Variants in ABCC12 observed in about 807,000 individuals in gnomAD.
ABCC12 encodes the protein ATP binding cassette subfamily C member 12.
ABCC12 carries 142 observed loss-of-function variants against 151.1 expected under a neutral mutation model. That is an observed-to-expected ratio of 0.94 (90% CI 0.82 to 1.08). The LOEUF is 1.08. ABCC12 is among the 50% of genes least tolerant of loss of function. The pLI, the probability that ABCC12 is intolerant of heterozygous loss-of-function variation, is 0.00. For synonymous variants in ABCC12, 645 were observed against 646.4 expected (o/e 1.00, Z 0.03); for missense variants, 1,638 against 1,691.1 (o/e 0.97, Z 0.55).
intron 15 of ABCC12, among the ~76,000 whole-genome samples, chr16:48,112,746 C>G (rs574940396): frequency 6.6e-6 from 1 of 152,238 alleles, no homozygotes; most frequent in African/African-American, 2.4e-5. Context: ...CTCATCATCC[C>G]CATTTAGCCC....
rs370413155 is a variant in ABCC12 at position 48,122,919 on chromosome 16, A to C, written c.1588-1079T>G. Among the ~76,000 whole-genome samples the C allele has an allele frequency of 9.8e-5, 15 of 152,326 alleles. No individual in the cohort carries two copies. In the South Asian group the frequency reaches 3.1e-3, roughly 32 times the overall value. On this transcript the variant is annotated intron_variant, in intron 12 of 30. Transcript: ENST00000311303. The stretch of plus-strand genomic sequence containing the variant: ...TCCCATTTTACAGACAAGGAAACCA[A>C]GTGGTTTCATGAGGCTCAGAGAGGT...
chr16:48,149,244 C>CAAAAAA (rs1175912271), intron 2 of ABCC12, among the ~76,000 whole-genome samples: 1 of 65,050 alleles, frequency 1.5e-5, no homozygotes, highest in Non-Finnish European at 3.4e-5. Context: ...GTAGATTAAC[C>CAAAAAA]AAAAAAAAAA....
At chr16:48,125,140 G>A (rs1330199417) in intron 11 of ABCC12, among the ~76,000 whole-genome samples, 1 of 152,214 alleles carries the variant, frequency 6.6e-6, no homozygotes, top group Non-Finnish European at 1.5e-5. Flanking sequence ...GGAAGGTGCA[G>A]GAAATTCCAG....
intron 18 of ABCC12, among the ~76,000 whole-genome samples, chr16:48,110,088 T>C (rs577887410): frequency 1.3e-5 from 2 of 152,250 alleles, no homozygotes; most frequent in South Asian, 4.1e-4. Context: ...CCTGAAGGTT[T>C]CTCCAAAAAG....
At chr16:48,099,299 A>G (rs913148919) in intron 23 of ABCC12, among the ~76,000 whole-genome samples, 1 of 152,150 alleles carries the variant, frequency 6.6e-6, no homozygotes, top group Admixed American at 6.5e-5. Context: ...TGGGAGGCTG[A>G]GGCAAGAGAA....
chr16:48,117,005 C>T (rs183315299), intron 14 of ABCC12, among the ~76,000 whole-genome samples: 31 of 152,342 alleles, frequency 2.0e-4, no homozygotes, highest in African/African-American at 6.0e-4. Flanking sequence ...CTTCCTGAGA[C>T]GACAGGCAGA....
At chr16:48,121,668 G>A in intron 13 of ABCC12, 48 bp downstream of exon 13, 1 of 1,610,238 alleles carries the variant, frequency 6.2e-7, no homozygotes, top group Non-Finnish European at 8.5e-7. Flanking sequence ...CTGTAGGAGA[G>A]TGTGTACCAA....
intron 23 of ABCC12, among the ~76,000 whole-genome samples, chr16:48,098,439 A>G (rs1963186300): frequency 6.6e-6 from 1 of 152,178 alleles, no homozygotes; most frequent in South Asian, 2.1e-4. Flanking sequence ...AAGGCCTCCC[A>G]GAGTTCTGCC....
intron 8 of ABCC12, 49 bp downstream of exon 8, chr16:48,138,179 G>A (rs1964674149): frequency 6.4e-7 from 1 of 1,551,118 alleles, no homozygotes; most frequent in African/African-American, 1.4e-5. Flanking sequence ...CCTTAGAAGA[G>A]CATATTCTAC....
chr16:48,129,616 G>A (rs1369250399), intron 10 of ABCC12, among the ~76,000 whole-genome samples: 3 of 152,158 alleles, frequency 2.0e-5, no homozygotes, highest in Non-Finnish European at 4.4e-5. Flanking sequence ...TTGAGCAGCT[G>A]AGAATAAGTA....
At chr16:48,135,710 A>C (rs1200867428) in intron 8 of ABCC12, among the ~76,000 whole-genome samples, 1 of 152,214 alleles carries the variant, frequency 6.6e-6, no homozygotes, top group East Asian at 1.9e-4. Context: ...TTTAAATACT[A>C]TACTGTATGG....
rs762087196 is a variant in ABCC12 at position 48,105,164 on chromosome 16, G to C, written c.2648C>G (p.Ser883Cys). Residue 883 changes from serine (S) to cysteine (C), a missense_variant, in exon 21 of 31, where the codon TCT (serine) becomes TGT (cysteine). Transcript: ENST00000311303. Reference sequence around the variant, plus strand: ...CTTATCAAACACCGTGTCATGCAGAGAGGAGGATGCCATCAGTGTGGTCTT... The same window carrying C: ...CTTATCAAACACCGTGTCATGCAGACAGGAGGATGCCATCAGTGTGGTCTT... ...FTKTTLMASS[S>C]LHDTVFDKIL... The C allele has an allele frequency of 3.7e-6, 6 of 1,614,156 alleles. No homozygotes were observed. Among genetic ancestry groups the C allele is most frequent in the South Asian group, 3.3e-5 (3 of 91,086 alleles).
intron 9 of ABCC12, among the ~76,000 whole-genome samples, chr16:48,133,366 T>C (rs1247591954): frequency 6.6e-6 from 1 of 151,758 alleles, no homozygotes; most frequent in Non-Finnish European, 1.5e-5. Flanking sequence ...CTACTAAAAA[T>C]ACAAAAATTA....
chr16:48,124,258 A>T lies in ABCC12; in HGVS notation c.1542T>A (p.Asn514Lys). The change falls in exon 12 of 31, where the codon AAT becomes AAA. Residue 514 changes from asparagine to lysine, a missense_variant. Transcript: ENST00000311303. The part of the protein sequence containing the change: ...RKGKILGICG[N>K]VGSGKSSLLA... ...GGAGGGAGCTCTTTCCACTTCCCAC[A>T]TTCCCACATATTCCCAAGATCTTCC... 1 of 1,614,182 alleles carries T rather than the reference A, an allele frequency of 6.2e-7. No individual in the cohort carries two copies. Among genetic ancestry groups the T allele is most frequent in the Non-Finnish European group, 8.5e-7 (1 of 1,180,018 alleles).
intron 8 of ABCC12, among the ~76,000 whole-genome samples, chr16:48,134,837 G>A (rs1346038952): frequency 6.6e-6 from 1 of 152,074 alleles, no homozygotes; most frequent in Non-Finnish European, 1.5e-5. Flanking sequence ...TGGATCACGA[G>A]GTCAGGAGAT....
chr16:48,144,433 A>G (rs1277799726), intron 3 of ABCC12, among the ~76,000 whole-genome samples: 1 of 141,666 alleles, frequency 7.1e-6, no homozygotes, highest in Non-Finnish European at 1.5e-5. Flanking sequence ...TTCCCCTCCC[A>G]TTCCTCCTTC....
chr16:48,139,364 CT>C, intron 6 of ABCC12, 28 bp from the exon 7 acceptor site: 1 of 1,571,812 alleles, frequency 6.4e-7, no homozygotes, highest in Middle Eastern at 1.7e-4. Flanking sequence ...AAGGTTCAGG[CT>C]TTGGAAGAGT....
intron 24 of ABCC12, among the ~76,000 whole-genome samples, chr16:48,092,275 G>T (rs1268083411): frequency 6.6e-6 from 1 of 152,242 alleles, no homozygotes; most frequent in Non-Finnish European, 1.5e-5. Flanking sequence ...GGATGGAGGA[G>T]TGAGCAGGGG....
Position 48,108,449 on chromosome 16 carries a change from C to G in ABCC12, c.2362G>C (p.Ala788Pro). 6.2e-7 allele frequency: 1 copy of G among 1,613,864 alleles called. No homozygotes were observed. Among genetic ancestry groups the G allele is most frequent in the Non-Finnish European group, 8.5e-7 (1 of 1,179,792 alleles). Residue 788 changes from alanine (A) to proline (P), a missense_variant, in exon 19 of 31, where the codon GCT becomes CCT. By Grantham distance (27) the Ala-to-Pro change is conservative (BLOSUM62 -1). Coordinates refer to ENST00000311303, the MANE Select transcript of ABCC12 (RefSeq NM_001393797.1). ...TTGTTTTATACTGAACCTCCAGAAG[C>G]CTTAATGTACGTGTGATATGTTTTC... Reference protein sequence around the residue: ...TWKTYHTYIKASGGYLLSLFT... With the variant: ...TWKTYHTYIKPSGGYLLSLFT...
Sources: gnomAD v4.1 joint callset for allele counts (sites outside exome capture counted in the v4.1 genomes callset) on GRCh38, gnomAD v4.1.1 for gene constraint, MANE v1.5 for transcripts, NCBI Gene and HGNC (gene_info 2026-07-23, HGNC 2026-07-21) for gene names.